B3GALT1: variants seen among roughly 807,000 people sequenced by gnomAD.
B3GALT1 encodes the protein beta-1,3-galactosyltransferase 1, also known as UDP-Gal:betaGlcNAc beta 1,3-galactosyltransferase, polypeptide 1.
B3GALT1 carries 10 observed loss-of-function variants against 23.2 expected under a neutral mutation model. The ratio of observed to expected loss-of-function variants is 0.43; its 90% CI spans 0.27 to 0.73. The LOEUF (loss-of-function observed/expected upper bound fraction) is 0.73. B3GALT1 is among the 30% of genes least tolerant of loss of function. The pLI, the probability that B3GALT1 is intolerant of heterozygous loss-of-function variation, is 0.21. For synonymous variants in B3GALT1, 156 were observed against 141.5 expected (o/e 1.10, Z -0.73); for missense variants, 299 against 405.4 (o/e 0.74, Z 2.25).
intron 4 of B3GALT1, among the ~76,000 whole-genome samples, chr2:167,841,707 C>G (rs1689653776): frequency 1.3e-5 from 2 of 152,174 alleles, no homozygotes. Flanking sequence ...CCAGAAGCCA[C>G]TGAGCCATGC....
chr2:167,602,823 T>C (rs924849965), intron 2 of B3GALT1, among the ~76,000 whole-genome samples: 1 of 152,036 alleles, frequency 6.6e-6, no homozygotes, highest in Admixed American at 6.6e-5. Context: ...AAAAAAAAAA[T>C]CAATCTATTT....
chr2:167,449,954 G>A (rs753388538), intron 1 of B3GALT1, among the ~76,000 whole-genome samples: 48 of 152,148 alleles, frequency 3.2e-4, no homozygotes, highest in Non-Finnish European at 5.3e-4. Flanking sequence ...ATTTGATCAT[G>A]GTGGATAATC....
chr2:167,663,230 A>G (rs1163847583), intron 3 of B3GALT1, among the ~76,000 whole-genome samples: 1 of 150,886 alleles, frequency 6.6e-6, no homozygotes, highest in East Asian at 2.0e-4. Flanking sequence ...TGTTCTTGCG[A>G]TAGTTTACTG....
At chr2:167,488,329 T>G (rs1699655512) in intron 1 of B3GALT1, among the ~76,000 whole-genome samples, 1 of 152,224 alleles carries the variant, frequency 6.6e-6, no homozygotes, top group Non-Finnish European at 1.5e-5. Context: ...TGTTTTTGTC[T>G]ACTTTAATTG....
At chr2:167,326,326 C>T (rs984869452) in intron 1 of B3GALT1, among the ~76,000 whole-genome samples, 7 of 151,546 alleles carry the variant, frequency 4.6e-5, no homozygotes, top group Non-Finnish European at 1.0e-4. Context: ...CCTGTATATT[C>T]TGCATATTAG....
intron 4 of B3GALT1, among the ~76,000 whole-genome samples, chr2:167,845,902 A>T (rs191890260): frequency 7.9e-5 from 12 of 152,278 alleles, no homozygotes; most frequent in Admixed American, 7.2e-4. Context: ...AGCTTAAACA[A>T]AAAAACAAAA....
At chr2:167,588,715 G>A (rs888841925) in intron 2 of B3GALT1, among the ~76,000 whole-genome samples, 1 of 151,546 alleles carries the variant, frequency 6.6e-6, no homozygotes, top group Admixed American at 6.6e-5. Context: ...TTTCTAATAT[G>A]CTATTTATAT....
chr2:167,587,234 C>A (rs1209535522), intron 2 of B3GALT1, among the ~76,000 whole-genome samples: 1 of 152,074 alleles, frequency 6.6e-6, no homozygotes, highest in Non-Finnish European at 1.5e-5. Context: ...TGCCTAGGTA[C>A]CTTGTCATGT....
At chr2:167,661,413 C>T (rs1001347953) in intron 3 of B3GALT1, among the ~76,000 whole-genome samples, 24 of 152,168 alleles carry the variant, frequency 1.6e-4, no homozygotes, top group African/African-American at 4.8e-4. Flanking sequence ...AGGCTGATTT[C>T]TTCAAACTGA....
At chr2:167,535,143 A>G (rs1187776090) in intron 2 of B3GALT1, among the ~76,000 whole-genome samples, 3 of 152,218 alleles carry the variant, frequency 2.0e-5, no homozygotes, top group South Asian at 2.1e-4. Flanking sequence ...AAAAAGGGTT[A>G]TCTTAGAGTA....
At chr2:167,866,119 C>T (rs1214270940) in intron 4 of B3GALT1, among the ~76,000 whole-genome samples, 1 of 152,208 alleles carries the variant, frequency 6.6e-6, no homozygotes, top group East Asian at 1.9e-4. Flanking sequence ...TCTAGCCATC[C>T]TTAAAGATTC....
chr2:167,321,685 T>C (rs1391763701), intron 1 of B3GALT1, among the ~76,000 whole-genome samples: 3 of 152,004 alleles, frequency 2.0e-5, no homozygotes, highest in Non-Finnish European at 4.4e-5. Flanking sequence ...CTTACCTCCT[T>C]CTCTATTCAT....
At chr2:167,821,655 G>A (rs537259159) in intron 4 of B3GALT1, among the ~76,000 whole-genome samples, 2 of 152,028 alleles carry the variant, frequency 1.3e-5, no homozygotes, top group East Asian at 1.9e-4. Flanking sequence ...GGCTGGTCTC[G>A]AACTCTTGAC....
chr2:167,824,389 A>AAAGTT (rs2105369954), intron 4 of B3GALT1, among the ~76,000 whole-genome samples: 1 of 152,362 alleles, frequency 6.6e-6, no homozygotes, highest in South Asian at 2.1e-4. Flanking sequence ...TGCAACTTGC[A>AAAGTT]AAGTTAATAT....
At chr2:167,611,765 T>C (rs1483301001) in intron 2 of B3GALT1, among the ~76,000 whole-genome samples, 2 of 151,884 alleles carry the variant, frequency 1.3e-5, no homozygotes, top group African/African-American at 4.8e-5. Flanking sequence ...ATTCCGTTGA[T>C]ACGATGGTAA....
chr2:167,666,154 T>C (rs1298767930), intron 3 of B3GALT1, among the ~76,000 whole-genome samples: 2 of 152,240 alleles, frequency 1.3e-5, no homozygotes, highest in Non-Finnish European at 2.9e-5. Flanking sequence ...GTAGTGTCTT[T>C]GTTCTCGTTC....
At chr2:167,503,921 C>T (rs1415281277) in intron 2 of B3GALT1, among the ~76,000 whole-genome samples, 1 of 152,086 alleles carries the variant, frequency 6.6e-6, no homozygotes, top group African/African-American at 2.4e-5. Context: ...TTCTTATATT[C>T]TAGGTGTCTT....
At chr2:167,779,706 G>A (rs1688216875) in intron 3 of B3GALT1, among the ~76,000 whole-genome samples, 1 of 152,060 alleles carries the variant, frequency 6.6e-6, no homozygotes, top group African/African-American at 2.4e-5. Context: ...CAGTGCACAG[G>A]GCCAAATTTG....
chr2:167,721,046 C>T (rs926358020), intron 3 of B3GALT1, among the ~76,000 whole-genome samples: 3 of 152,204 alleles, frequency 2.0e-5, no homozygotes, highest in South Asian at 2.1e-4. Flanking sequence ...TCTCCCCCAT[C>T]TCTCTCTGTA....
Sources: allele counts gnomAD v4.1 joint callset (sites outside exome capture counted in the v4.1 genomes callset), GRCh38; gene constraint gnomAD v4.1.1; transcripts MANE v1.5; gene names NCBI Gene and HGNC (gene_info 2026-07-23, HGNC 2026-07-21).